The following TMEM132B variants were observed in gnomAD, a reference collection of about 807,000 sequenced individuals.
The protein encoded by TMEM132B is transmembrane protein 132B.
TMEM132B carries 18 observed loss-of-function variants against 90.8 expected under a neutral mutation model. The observed-to-expected ratio is 0.20, with a 90% CI of 0.14 to 0.29. The LOEUF (loss-of-function observed/expected upper bound fraction) is 0.29, where lower values mean the gene tolerates loss of function less well. Ranked by LOEUF, TMEM132B falls within the 10% of genes least tolerant of loss-of-function variation. The probability of loss-of-function intolerance (pLI) is 1.00; values close to 1 mark genes in which losing one functional copy is unlikely to be tolerated. For missense variants in TMEM132B, 1,096 were observed against 1,326.8 expected, an observed-to-expected ratio of 0.83 and a Z score of 2.70; for synonymous variants, 504 against 523.3, an observed-to-expected ratio of 0.96 and a Z score of 0.50.
intron 1 of TMEM132B, among the ~76,000 whole-genome samples, chr12:125,324,954 T>C (rs1309035413): frequency 6.6e-6 from 1 of 152,106 alleles, no homozygotes; most frequent in Non-Finnish European, 1.5e-5. Flanking sequence ...CAAACAAAAC[T>C]CCTTTGGGCC....
At chr12:125,554,757 C>T (rs961716368) in intron 4 of TMEM132B, among the ~76,000 whole-genome samples, 1 of 152,138 alleles carries the variant, frequency 6.6e-6, no homozygotes, top group Non-Finnish European at 1.5e-5. Flanking sequence ...GTCTATAGTG[C>T]CCTGAATGGT....
chr12:125,383,564 C>G (rs554537330), intron 2 of TMEM132B, among the ~76,000 whole-genome samples: 16 of 152,324 alleles, frequency 1.1e-4, no homozygotes, highest in African/African-American at 3.8e-4. Context: ...TCTCTTCCAT[C>G]AGACCTCATT....
At chr12:125,472,585 C>T (rs1881752441) in intron 3 of TMEM132B, among the ~76,000 whole-genome samples, 1 of 152,176 alleles carries the variant, frequency 6.6e-6, no homozygotes, top group Non-Finnish European at 1.5e-5. Flanking sequence ...GTGTTCCCTT[C>T]TCCAACTTTC....
chr12:125,533,873 A>G (rs567250024), intron 4 of TMEM132B, among the ~76,000 whole-genome samples: 39 of 152,352 alleles, frequency 2.6e-4, no homozygotes, highest in African/African-American at 8.9e-4. Flanking sequence ...AGGCTTTATT[A>G]TTTTTATTTA....
At chr12:125,284,323 A>G (rs1263930128) in intron 1 of TMEM132B, among the ~76,000 whole-genome samples, 1 of 152,186 alleles carries the variant, frequency 6.6e-6, no homozygotes, top group East Asian at 1.9e-4. Context: ...CTATGCATGT[A>G]TGAGCCATCA....
chr12:125,360,775 G>A (rs1471085274), intron 2 of TMEM132B, among the ~76,000 whole-genome samples: 2 of 151,808 alleles, frequency 1.3e-5, no homozygotes, highest in Non-Finnish European at 2.9e-5. Flanking sequence ...AAGGAAAATA[G>A]GAGACGGTGT....
chr12:125,597,497 C>T (rs2136910338), intron 5 of TMEM132B, among the ~76,000 whole-genome samples: 1 of 152,324 alleles, frequency 6.6e-6, no homozygotes, highest in South Asian at 2.1e-4. Flanking sequence ...CCTATCAAGG[C>T]ATGTTGTGTA....
chr12:125,200,577 G>T (rs1873032985), intron 1 of TMEM132B, among the ~76,000 whole-genome samples: 1 of 152,188 alleles, frequency 6.6e-6, no homozygotes, highest in Admixed American at 6.5e-5. Context: ...AGGGAGTTCA[G>T]AAAGATTTGC....
intron 4 of TMEM132B, among the ~76,000 whole-genome samples, chr12:125,580,668 C>T (rs1885035150): frequency 1.3e-5 from 2 of 152,118 alleles, no homozygotes; most frequent in African/African-American, 4.8e-5. Context: ...TAAATGATCT[C>T]CTGGTTGCCT....
intron 1 of TMEM132B, among the ~76,000 whole-genome samples, chr12:125,266,877 G>A (rs1254480143): frequency 6.6e-6 from 1 of 152,178 alleles, no homozygotes; most frequent in Non-Finnish European, 1.5e-5. Flanking sequence ...GAAAGCGAAT[G>A]TGTCCCATGG....
At chr12:125,425,376 C>A (rs1225705852) in intron 3 of TMEM132B, among the ~76,000 whole-genome samples, 2 of 152,134 alleles carry the variant, frequency 1.3e-5, no homozygotes, top group Admixed American at 1.3e-4. Flanking sequence ...CCACATTATC[C>A]TTTACCCCTC....
At chr12:125,363,453 C>T (rs1255140399) in intron 2 of TMEM132B, among the ~76,000 whole-genome samples, 2 of 152,136 alleles carry the variant, frequency 1.3e-5, no homozygotes, top group African/African-American at 4.8e-5. Flanking sequence ...GGTCTAGGGG[C>T]AAGCAGTGTG....
intron 1 of TMEM132B, among the ~76,000 whole-genome samples, chr12:125,268,401 G>A (rs1874745303): frequency 6.6e-6 from 1 of 152,244 alleles, no homozygotes; most frequent in South Asian, 2.1e-4. Context: ...CATAAGGCTA[G>A]AGGCAACCTG....
intron 3 of TMEM132B, among the ~76,000 whole-genome samples, chr12:125,503,258 G>T (rs920118695): frequency 1.3e-5 from 2 of 152,202 alleles, no homozygotes; most frequent in Non-Finnish European, 2.9e-5. Flanking sequence ...CTGGCACCCT[G>T]GGGGCCCTCT....
At chr12:125,497,575 C>A (rs932279913) in intron 3 of TMEM132B, among the ~76,000 whole-genome samples, 5 of 152,146 alleles carry the variant, frequency 3.3e-5, no homozygotes, top group African/African-American at 1.2e-4. Flanking sequence ...TCCTTTTGAA[C>A]CCTCGGTAAG....
intron 5 of TMEM132B, among the ~76,000 whole-genome samples, chr12:125,614,015 A>G (rs1196793317): frequency 6.6e-6 from 1 of 152,144 alleles, no homozygotes; most frequent in Non-Finnish European, 1.5e-5. Context: ...ATATAATTGT[A>G]TACATACTGT....
chr12:125,580,284 T>G (rs368596526), intron 4 of TMEM132B, among the ~76,000 whole-genome samples: 2 of 152,280 alleles, frequency 1.3e-5, no homozygotes, highest in South Asian at 4.1e-4. Context: ...CTTTGAAGCT[T>G]TTTGATTAAA....
intron 3 of TMEM132B, among the ~76,000 whole-genome samples, chr12:125,422,730 G>A (rs1880204007): frequency 6.6e-6 from 1 of 152,304 alleles, no homozygotes; most frequent in South Asian, 2.1e-4. Flanking sequence ...ACAGGGATGC[G>A]AGTGATGCAG....
intron 3 of TMEM132B, among the ~76,000 whole-genome samples, chr12:125,449,316 GGT>G (rs1247770051): frequency 6.6e-6 from 1 of 151,998 alleles, no homozygotes; most frequent in African/African-American, 2.4e-5. Flanking sequence ...TATTTTGTCT[GGT>G]GTGAGCTTTG....
Sources: allele counts gnomAD v4.1 joint callset (sites outside exome capture counted in the v4.1 genomes callset), GRCh38; gene constraint gnomAD v4.1.1; transcripts MANE v1.5; gene names NCBI Gene and HGNC (gene_info 2026-07-23, HGNC 2026-07-21).